The following CCNK variants were observed in gnomAD, a reference collection of about 807,000 sequenced individuals.
CCNK encodes cyclin K, also known as cyclin-K.
Under a neutral mutation model 65.0 loss-of-function variants are expected in CCNK, and 9 were observed. The ratio of observed to expected loss-of-function variants is 0.14; its 90% CI spans 0.08 to 0.24. The LOEUF (loss-of-function observed/expected upper bound fraction) is 0.24, where lower values mean the gene tolerates loss of function less well. CCNK is among the 10% of genes least tolerant of loss of function. The pLI is 1.00. For synonymous variants in CCNK, 279 were observed against 270.8 expected (o/e 1.03, Z -0.30); for missense variants, 474 against 720.0 (o/e 0.66, Z 3.91).
intron 1 of CCNK, among the ~76,000 whole-genome samples, chr14:99,487,493 G>A (rs766198856): frequency 7.9e-5 from 12 of 152,190 alleles, no homozygotes; most frequent in African/African-American, 1.2e-4. Context: ...ATTGTCCCAG[G>A]TTTAAAAACC....
rs370608733 is a variant in CCNK, at chr14:99,502,278, G to A, written c.647G>A (p.Arg216His). ...GTAGCAGTGATGTATCTCGCAGGAC[G>A]TTTGTGCAAATTTGAAATACAAGAA... ...IAVAVMYLAG[R>H]LCKFEIQEWT... Residue 216 changes from arginine (R) to histidine (H), a missense_variant, in exon 7 of 11, where the codon CGT becomes CAT. Arg to His is a conservative substitution (Grantham distance 29). Around this residue, in one of 6 missense-constraint regions of CCNK, gnomAD observed 67 missense variants for 150.2 expected, o/e 0.45. Coordinates refer to ENST00000389879, the MANE Select transcript of CCNK (RefSeq NM_001099402.2). 3 of 1,610,464 alleles carry A rather than the reference G, an allele frequency of 1.9e-6. No homozygotes were observed. Among genetic ancestry groups the A allele is most frequent in the Non-Finnish European group, 2.5e-6 (3 of 1,178,428 alleles).
In CCNK at chr14:99,492,622, A is replaced by T. The variant is rs3918064; in HGVS notation, c.-52-4A>T. 4.1e-6 allele frequency: 6 copies of T among 1,459,258 alleles called. No individual in the cohort carries two copies. In the African/African-American group the frequency reaches 4.3e-5, roughly 10 times the overall value. The allele number at this position is 1,459,258 out of a possible 1,614,324, so 90.4% of individuals were successfully genotyped here. A position where few individuals can be genotyped will look rare whatever the true frequency, so the allele number is the denominator to read the frequency against. ...TTCCAACTTTGTTTTTCTCTTTCTC[A>T]TAGGATTCTAACATTTTCAGAGAAC... On this transcript the variant is annotated splice_region_variant and splice_polypyrimidine_tract_variant and intron_variant, in intron 1 of 10. Coordinates refer to ENST00000389879, the MANE Select transcript of CCNK (RefSeq NM_001099402.2).
chr14:99,506,147 CT>C (rs1224542566), intron 9 of CCNK: 1 of 152,242 alleles, frequency 6.6e-6, no homozygotes, highest in Non-Finnish European at 1.5e-5. Flanking sequence ...GCTTTGGACT[CT>C]GAGGAAGAGG....
At chr14:99,497,229 C>G (rs1235433225) in intron 4 of CCNK, among the ~76,000 whole-genome samples, 5 of 152,166 alleles carry the variant, frequency 3.3e-5, no homozygotes, top group Non-Finnish European at 4.4e-5. Flanking sequence ...TAAAAATTCT[C>G]TGTGCTCCAC....
intron 1 of CCNK, among the ~76,000 whole-genome samples, chr14:99,487,460 C>T (rs994944627): frequency 1.3e-5 from 2 of 152,118 alleles, no homozygotes; most frequent in African/African-American, 2.4e-5. Context: ...TCAGACATTG[C>T]CAAATGTCCC....
At chr14:99,487,938 C>A (rs1460542315) in intron 1 of CCNK, among the ~76,000 whole-genome samples, 1 of 152,190 alleles carries the variant, frequency 6.6e-6, no homozygotes, top group Non-Finnish European at 1.5e-5. Context: ...TCCTCCTGGT[C>A]TCCTATTCAG....
chr14:99,482,445 G>A (rs1896366726), intron 1 of CCNK, among the ~76,000 whole-genome samples: 1 of 152,136 alleles, frequency 6.6e-6, no homozygotes, highest in Non-Finnish European at 1.5e-5. Context: ...AAGAATGGAT[G>A]GATGATGGTA....
chr14:99,488,280 A>ATG (rs1896534315), intron 1 of CCNK, among the ~76,000 whole-genome samples: 1 of 150,740 alleles, frequency 6.6e-6, no homozygotes, highest in Non-Finnish European at 1.5e-5. Context: ...TTTTTTTTAA[A>ATG]AAAAAAAAAA....
At chr14:99,492,970 C>G (rs568441944) in intron 2 of CCNK, 96 bp downstream of exon 2, 13 of 1,022,926 alleles carry the variant, frequency 1.3e-5, no homozygotes, top group South Asian at 3.7e-5. Context: ...AGTAATTTCT[C>G]TGTACCAGAG....
rs565141454 is a variant in CCNK, at chr14:99,497,873, C to G, written c.411+2244C>G. 2.0e-5 allele frequency among the ~76,000 whole-genome samples: 3 copies of G among 152,248 alleles called. No individual in the cohort carries two copies. The South Asian group carries it at 6.2e-4, about 32-fold the overall frequency. ...TTAATCTGTTTATAAACATTTGAAC[C>G]TATTAGGAACTCATATTAACTATAA... is the stretch of plus-strand genomic sequence containing the variant. On this transcript the variant is annotated intron_variant, in intron 4 of 10. Coordinates refer to ENST00000389879, the MANE Select transcript of CCNK (RefSeq NM_001099402.2).
At chr14:99,482,060 T>C (rs750913485) in intron 1 of CCNK, among the ~76,000 whole-genome samples, 6 of 152,196 alleles carry the variant, frequency 3.9e-5, no homozygotes, top group Non-Finnish European at 8.8e-5. Context: ...TGAGAGAAAT[T>C]GTTCTTTAGA....
chr14:99,497,742 A>C (rs1423372144), intron 4 of CCNK, among the ~76,000 whole-genome samples: 2 of 152,234 alleles, frequency 1.3e-5, no homozygotes, highest in Non-Finnish European at 2.9e-5. Context: ...TTGAGGAGTT[A>C]ACAAGGGCCC....
intron 9 of CCNK, 65 bp from the exon 10 acceptor site, chr14:99,507,011 C>G: frequency 1.0e-6 from 1 of 975,204 alleles, no homozygotes; most frequent in Non-Finnish European, 1.7e-6. Flanking sequence ...GTACATTTTT[C>G]TTTATGACAT....
At chr14:99,501,194 G>A (rs1033547193) in intron 5 of CCNK, 162 bp from the exon 6 acceptor site, 44 of 626,426 alleles carry the variant, frequency 7.0e-5, no homozygotes, top group Non-Finnish European at 4.3e-5. Flanking sequence ...AGGAAGAAGG[G>A]GTAGGATGTG....
chr14:99,510,734 C>T lies in CCNK; in HGVS notation c.1695C>T (p.Pro565=), dbSNP rs774928554. 23 of 1,439,630 alleles carry T rather than the reference C, an allele frequency of 1.6e-5. 1 individual carries two copies. Among genetic ancestry groups the T allele is most frequent in the Middle Eastern group, 2.0e-4 (1 of 5,054 alleles). The allele number at this position is 1,439,630 out of a possible 1,614,324, so 89.2% of individuals were successfully genotyped here. A position where few individuals can be genotyped will look rare whatever the true frequency, so the allele number is the denominator to read the frequency against. Residue 565 remains proline, a synonymous_variant, in exon 11 of 11, where the codon CCC becomes CCT. Transcript: ENST00000389879. ...CTGTGCCCCCGCCCATTCCCCCACC[C>T]GGCATGCCTCCAGTTGGGGGGCTGG... ...QPPVPPPIPP[P]GMPPVGGLGR...
intron 9 of CCNK, chr14:99,504,036 C>A: frequency 2.7e-6 from 1 of 368,490 alleles, no homozygotes; most frequent in Non-Finnish European, 5.3e-6. Flanking sequence ...GTGTGCTGCC[C>A]GGACAGCACC....
At chr14:99,484,611 A>G (rs1896437661) in intron 1 of CCNK, among the ~76,000 whole-genome samples, 1 of 152,244 alleles carries the variant, frequency 6.6e-6, no homozygotes, top group Non-Finnish European at 1.5e-5. Context: ...TCATTCATGC[A>G]TTATTTTATG....
chr14:99,482,775 G>T (rs1164030856), intron 1 of CCNK, among the ~76,000 whole-genome samples: 2 of 152,186 alleles, frequency 1.3e-5, no homozygotes, highest in Admixed American at 1.3e-4. Flanking sequence ...TTCTAAAATT[G>T]AATGTCATAA....
chr14:99,507,049 G>A (rs1271832808), intron 9 of CCNK, 27 bp from the exon 10 acceptor site: 2 of 1,429,252 alleles, frequency 1.4e-6, no homozygotes, highest in Admixed American at 3.3e-5. Context: ...AGTATGAGTG[G>A]TTTTCTAATC....
Sources: allele counts gnomAD v4.1 joint callset (sites outside exome capture counted in the v4.1 genomes callset), GRCh38; gene constraint gnomAD v4.1.1; regional missense constraint gnomAD v4.1.1; transcripts MANE v1.5; gene names NCBI Gene and HGNC (gene_info 2026-07-23, HGNC 2026-07-21).